Variants in MAPRE3 observed in about 807,000 individuals in gnomAD.
MAPRE3 encodes the protein microtubule-associated protein RP/EB family member 3.
Under a neutral mutation model 30.5 loss-of-function variants are expected in MAPRE3, and 2 were observed. The ratio of observed to expected loss-of-function variants is 0.07; its 90% CI spans 0.03 to 0.21. The LOEUF is 0.21. Ranked by LOEUF, MAPRE3 falls within the 10% of genes least tolerant of loss-of-function variation. The probability of loss-of-function intolerance (pLI) is 1.00; values close to 1 mark genes in which losing one functional copy is unlikely to be tolerated. For synonymous variants in MAPRE3, 110 were observed against 127.7 expected (o/e 0.86, Z 0.93); for missense variants, 204 against 351.8 (o/e 0.58, Z 3.36).
intron 1 of MAPRE3, among the ~76,000 whole-genome samples, chr2:27,018,783 A>G (rs980953487): frequency 6.6e-6 from 1 of 152,086 alleles, no homozygotes; most frequent in Non-Finnish European, 1.5e-5. Context: ...CTCCACCAAT[A>G]TGGTTAGGCA....
chr2:27,013,351 C>T (rs2148221178), intron 1 of MAPRE3: 1 of 152,302 alleles, frequency 6.6e-6, no homozygotes, highest in South Asian at 2.1e-4. Flanking sequence ...TAGAGGGAGA[C>T]TGTTTAAATC....
At chr2:27,009,253 G>T (rs1179885740) in intron 1 of MAPRE3, among the ~76,000 whole-genome samples, 1 of 152,178 alleles carries the variant, frequency 6.6e-6, no homozygotes, top group Non-Finnish European at 1.5e-5. Context: ...TGCCAATGTG[G>T]ATTTCCTGGT....
chr2:27,016,143 G>A (rs1317578156), intron 1 of MAPRE3, among the ~76,000 whole-genome samples: 1 of 152,130 alleles, frequency 6.6e-6, no homozygotes, highest in Admixed American at 6.5e-5. Flanking sequence ...TCTGATCCTC[G>A]AATGGGGATC....
chr2:26,999,111 G>A (rs1002307322), intron 1 of MAPRE3, among the ~76,000 whole-genome samples: 9 of 152,284 alleles, frequency 5.9e-5, no homozygotes, highest in African/African-American at 2.2e-4. Flanking sequence ...GAAGTGAGGG[G>A]CTTGGGGTTG....
chr2:27,016,381 C>CTTT (rs567480969), intron 1 of MAPRE3, among the ~76,000 whole-genome samples: 5 of 123,028 alleles, frequency 4.1e-5, no homozygotes, highest in African/African-American at 1.2e-4. Flanking sequence ...CAGGTTATGT[C>CTTT]TTTTTTTTTT....
chr2:26,992,383 C>T (rs1320719593), intron 1 of MAPRE3, among the ~76,000 whole-genome samples: 2 of 126,380 alleles, frequency 1.6e-5, no homozygotes, highest in Admixed American at 7.6e-5. Context: ...TGCACCACCA[C>T]GCCTGGCTAA....
intron 3 of MAPRE3, chr2:27,023,825 C>A: frequency 1.9e-6 from 1 of 513,152 alleles, no homozygotes; most frequent in African/African-American, 1.9e-5. Context: ...GCTGCAGACC[C>A]CCAGCCCACA....
rs139895735 is a variant in MAPRE3 at position 27,024,377 on chromosome 2, CG to C, written c.469+82del. On this transcript the variant is annotated intron_variant, in intron 4 of 6. Transcript: ENST00000233121. ...ATAGCCAGGAGTGCCCCCTGGGCCA[CG>C]GCCCGGCCCTGCCAGCCTGGAGGAG... 2.2e-3 allele frequency: 2,853 copies of C among 1,305,318 alleles called. 45 individuals carry two copies. In the African/African-American group the frequency reaches 0.038, roughly 17 times the overall value. The allele number at this position is 1,305,318 out of a possible 1,614,324, so 80.9% of individuals were successfully genotyped here.
At chr2:27,025,012 C>T (rs993242445) in intron 4 of MAPRE3, among the ~76,000 whole-genome samples, 2 of 152,158 alleles carry the variant, frequency 1.3e-5, no homozygotes, top group African/African-American at 2.4e-5. Flanking sequence ...GAGGTGCAGT[C>T]GCTAGTGAGC....
chr2:26,977,420 A>C (rs549582003), intron 1 of MAPRE3, among the ~76,000 whole-genome samples: 21 of 152,148 alleles, frequency 1.4e-4, no homozygotes, highest in Non-Finnish European at 3.1e-4. Context: ...TTCTTTTCCC[A>C]GGTGTCTTTT....
rs757560029 is a variant in MAPRE3, at chr2:27,024,303, G to A, written c.469+6G>A. On this transcript the variant is annotated splice_donor_region_variant and intron_variant, in intron 4 of 6. Transcript: ENST00000233121. Reference sequence around the variant, plus strand: ...GAAACTCATTGGCACAGCAGGTAACGTGCCCGAGCCGGGGGAGGGAGCGTG... The same window carrying A: ...GAAACTCATTGGCACAGCAGGTAACATGCCCGAGCCGGGGGAGGGAGCGTG... 21 of 1,612,090 alleles carry A rather than the reference G, an allele frequency of 1.3e-5. No individual in the cohort carries two copies. The highest frequency in any genetic ancestry group is 5.5e-5 in the South Asian group (5 of 90,908).
At chr2:27,006,059 G>C (rs771242740) in intron 1 of MAPRE3, among the ~76,000 whole-genome samples, 8 of 152,090 alleles carry the variant, frequency 5.3e-5, no homozygotes, top group Admixed American at 1.3e-4. Flanking sequence ...GCGGGCGCCT[G>C]TAGTCCCAGC....
chr2:27,017,801 TTA>T (rs1667021055), intron 1 of MAPRE3, among the ~76,000 whole-genome samples: 1 of 100,898 alleles, frequency 9.9e-6, no homozygotes, highest in African/African-American at 3.3e-5. Context: ...TTCTTTAAAA[TTA>T]TGTGTGTGTG....
chr2:26,993,387 T>A (rs929177136), intron 1 of MAPRE3, among the ~76,000 whole-genome samples: 6 of 152,026 alleles, frequency 3.9e-5, no homozygotes, highest in Non-Finnish European at 7.4e-5. Flanking sequence ...ATAAAAAAAA[T>A]TAGGACATTA....
intron 1 of MAPRE3, among the ~76,000 whole-genome samples, chr2:26,983,117 G>C (rs1352279543): frequency 6.6e-6 from 1 of 152,222 alleles, no homozygotes; most frequent in Non-Finnish European, 1.5e-5. Flanking sequence ...CTTGGGCAGA[G>C]TTAAGCTTCC....
chr2:27,003,075 A>G (rs770952339), intron 1 of MAPRE3: 2 of 152,338 alleles, frequency 1.3e-5, no homozygotes, highest in Non-Finnish European at 1.5e-5. Flanking sequence ...GAGGTGGCCA[A>G]AAGAGTGAGT....
At chr2:27,009,046 T>A (rs1666793083) in intron 1 of MAPRE3, among the ~76,000 whole-genome samples, 1 of 151,282 alleles carries the variant, frequency 6.6e-6, no homozygotes, top group African/African-American at 2.4e-5. Context: ...GGGGATAGGG[T>A]TGGGGGGGAG....
intron 1 of MAPRE3, among the ~76,000 whole-genome samples, chr2:26,975,360 C>T (rs960301926): frequency 6.6e-6 from 1 of 152,148 alleles, no homozygotes; most frequent in Admixed American, 6.5e-5. Flanking sequence ...AGCTATTCAT[C>T]TTAAGAGGGA....
intron 1 of MAPRE3, among the ~76,000 whole-genome samples, chr2:26,995,780 GGTGTGTGTGTGTGTGTGT>G (rs1276648645): frequency 1.0e-4 from 11 of 109,638 alleles, no homozygotes; most frequent in East Asian, 3.5e-4. Flanking sequence ...TTCTAAGAGA[GGTGTGTGTGTGTGTGTGT>G]GTGTGTGTGT....
Sources: gnomAD v4.1 joint callset for allele counts (sites outside exome capture counted in the v4.1 genomes callset) on GRCh38, gnomAD v4.1.1 for gene constraint, MANE v1.5 for transcripts, NCBI Gene and HGNC (gene_info 2026-07-23, HGNC 2026-07-21) for gene names.